MAMLD1: variants seen among roughly 807,000 people sequenced by gnomAD.
MAMLD1 encodes the protein mastermind-like domain-containing protein 1.
MAMLD1 carries 14 observed loss-of-function variants against 45.0 expected under a neutral mutation model. The observed-to-expected ratio is 0.31, with a 90% CI of 0.21 to 0.49. The LOEUF is 0.49. Among genes scored for constraint, MAMLD1 ranks in the 20% least tolerant of loss-of-function variants. The probability of loss-of-function intolerance (pLI) is 0.99; values close to 1 mark genes in which losing one functional copy is unlikely to be tolerated. For synonymous variants in MAMLD1, 254 were observed against 247.8 expected, an observed-to-expected ratio of 1.02 and a Z score of -0.24; for missense variants, 543 against 603.6, an observed-to-expected ratio of 0.90 and a Z score of 1.05.
rs1557406268 is a variant in MAMLD1, at chrX:150,470,098, G to A, written c.525G>A (p.Glu175=). The change falls in exon 4 of 8, where the codon GAG becomes GAA. Residue 175 remains glutamate, a synonymous_variant. Transcript: ENST00000370401. Reference sequence around the variant, plus strand: ...ACAGCGTGCCGGCTGTAGACCAGGAGCTTCAAGAGCTGCTAGAGGAGCTCA... The same window carrying A: ...ACAGCGTGCCGGCTGTAGACCAGGAACTTCAAGAGCTGCTAGAGGAGCTCA... ...KINSVPAVDQ[E]LQELLEELTK... The A allele has an allele frequency of 8.3e-7, 1 of 1,209,933 alleles. No individual in the cohort carries two copies. The highest frequency in any genetic ancestry group is 1.8e-5 in the African/African-American group (1 of 57,101).
chrX:150,496,751 C>G (rs782789843), intron 5 of MAMLD1, among the ~76,000 whole-genome samples: 56 of 112,070 alleles, frequency 5.0e-4, no homozygotes, highest in African/African-American at 1.7e-3. Flanking sequence ...ACAACAGGCA[C>G]AGCCTTGGTC....
At chrX:150,375,030 G>T (rs971932901) in intron 1 of MAMLD1, among the ~76,000 whole-genome samples, 7 of 110,531 alleles carry the variant, frequency 6.3e-5, no homozygotes, top group Admixed American at 3.8e-4. Flanking sequence ...GGGCCTGCTG[G>T]TGTGTGGGGG....
Position 150,513,508 on chromosome X carries a change from G to C in MAMLD1, c.*1549G>C, listed in dbSNP as rs1384948897. 1 of 272,537 alleles carries C rather than the reference G, an allele frequency of 3.7e-6. No individual in the cohort carries two copies. Among genetic ancestry groups the C allele is most frequent in the African/African-American group, 2.8e-5 (1 of 35,682 alleles). 22.5% of individuals were successfully genotyped at this position (272,537 alleles called of 1,213,427 possible). On this transcript the variant is annotated 3_prime_UTR_variant, in exon 8 of 8. Transcript: ENST00000370401. Reference sequence around the variant, plus strand: ...TGTGGATATGACCAAGAGTTGTTGTGCAAGTTGACAAATGCCAAATAGAAA... The same window carrying C: ...TGTGGATATGACCAAGAGTTGTTGTCCAAGTTGACAAATGCCAAATAGAAA...
In MAMLD1 at chrX:150,512,379, G is replaced by T; in HGVS notation, c.*420G>T. ...AGTCCCCACCAGCTCAGACGGCCTA[G>T]TGTGCCAAGAATGCCCACTGCGTTC... is the stretch of plus-strand genomic sequence containing the variant. On this transcript the variant is annotated 3_prime_UTR_variant, in exon 8 of 8. Transcript: ENST00000370401. 8.7e-7 allele frequency: 1 copy of T among 1,143,185 alleles called. No homozygotes were observed. The highest frequency in any genetic ancestry group is 1.2e-6 in the Non-Finnish European group (1 of 864,062). The allele number at this position is 1,143,185 out of a possible 1,213,427, so 94.2% of individuals were successfully genotyped here. A position where few individuals can be genotyped will look rare whatever the true frequency, so the allele number is the denominator to read the frequency against.
At chrX:150,420,628 A>C (rs369833999) in intron 1 of MAMLD1, among the ~76,000 whole-genome samples, 3 of 111,964 alleles carry the variant, frequency 2.7e-5, no homozygotes, top group African/African-American at 6.5e-5. Flanking sequence ...GTGTGGATGT[A>C]CTTTCTGTTT....
intron 1 of MAMLD1, among the ~76,000 whole-genome samples, chrX:150,372,214 G>C (rs1557401106): frequency 8.9e-6 from 1 of 112,400 alleles, no homozygotes; most frequent in Non-Finnish European, 1.9e-5. Context: ...TGAACTCGAA[G>C]TCTGGAAGTA....
chrX:150,366,115 G>A (rs1366311112), intron 1 of MAMLD1, among the ~76,000 whole-genome samples: 2 of 111,836 alleles, frequency 1.8e-5, no homozygotes, highest in Non-Finnish European at 3.8e-5. Flanking sequence ...CGGGGCCCAG[G>A]CTCAGGCTGG....
chrX:150,504,462 A>C, intron 6 of MAMLD1: 1 of 736,593 alleles, frequency 1.4e-6, no homozygotes, highest in Non-Finnish European at 1.6e-6. Flanking sequence ...GCCTGGAAGA[A>C]CAAGCAGTGC....
rs1212518326 is a variant in MAMLD1, at chrX:150,399,989, T to C, written c.-64+36459T>C. Reference sequence around the variant, plus strand: ...CTTATATTTAGGACCCAGCCTGCCCTGTTTTCTTGCAGGGAGGTTCGCTCA... The same window carrying C: ...CTTATATTTAGGACCCAGCCTGCCCCGTTTTCTTGCAGGGAGGTTCGCTCA... On this transcript the variant is annotated intron_variant, in intron 1 of 7. Transcript: ENST00000370401. Among the ~76,000 whole-genome samples the C allele has an allele frequency of 5.4e-5, 6 of 111,986 alleles. No homozygotes were observed. The East Asian group carries it at 1.4e-3, about 26-fold the overall frequency.
chrX:150,401,068 G>A (rs1557402412), intron 1 of MAMLD1, among the ~76,000 whole-genome samples: 1 of 111,330 alleles, frequency 9.0e-6, no homozygotes, highest in Admixed American at 9.5e-5. Context: ...GTAGAATTCA[G>A]CTGTGAATCC....
chrX:150,382,904 T>TA (rs1196058553), intron 1 of MAMLD1, among the ~76,000 whole-genome samples: 1 of 25,959 alleles, frequency 3.9e-5, no homozygotes, highest in African/African-American at 5.3e-4. Context: ...TTTTTTTATT[T>TA]TTTATTTTTT....
chrX:150,468,580 T>C (rs1052347710), intron 3 of MAMLD1, among the ~76,000 whole-genome samples: 2 of 111,519 alleles, frequency 1.8e-5, no homozygotes, highest in Non-Finnish European at 3.8e-5. Context: ...CCTGCTAACA[T>C]ACAGGTCATG....
intron 1 of MAMLD1, among the ~76,000 whole-genome samples, chrX:150,395,813 T>A (rs1471118991): frequency 1.8e-5 from 2 of 110,534 alleles, no homozygotes; most frequent in Non-Finnish European, 3.8e-5. Flanking sequence ...ATAGGTCATG[T>A]TCTCTTTTTT....
Position 150,469,749 on chromosome X carries a change from C to A in MAMLD1, c.176C>A (p.Thr59Asn), listed in dbSNP as rs1557406200. 8.3e-7 allele frequency: 1 copy of A among 1,206,283 alleles called. No homozygotes were observed. Among genetic ancestry groups the A allele is most frequent in the Non-Finnish European group, 1.1e-6 (1 of 892,580 alleles). ...KSSPGRKHQGTVKRRQEEDHF... is the reference protein window; with the variant it reads ...KSSPGRKHQGNVKRRQEEDHF... ...TCTCTTCTCTTCCATTCACAGGGAACTGTTAAGAGGAGACAAGAAGAAGAC... is the reference window on the plus strand; with the variant it reads ...TCTCTTCTCTTCCATTCACAGGGAAATGTTAAGAGGAGACAAGAAGAAGAC... Residue 59 changes from threonine to asparagine, a missense_variant, in exon 4 of 8, where the codon ACT becomes AAT. Thr to Asn is a moderately conservative substitution (Grantham distance 65). Coordinates refer to ENST00000370401, the MANE Select transcript of MAMLD1 (RefSeq NM_005491.5).
intron 1 of MAMLD1, among the ~76,000 whole-genome samples, chrX:150,398,329 G>GAAGAAGA (rs1569564610): frequency 9.5e-5 from 8 of 83,857 alleles, no homozygotes; most frequent in African/African-American, 3.6e-4. Flanking sequence ...AGAAGAAGAA[G>GAAGAAGA]AAGAAGAAGA....
intron 1 of MAMLD1, among the ~76,000 whole-genome samples, chrX:150,406,866 C>T (rs782231216): frequency 2.5e-4 from 28 of 111,467 alleles, no homozygotes; most frequent in African/African-American, 9.1e-4. Context: ...AGCCATTTCC[C>T]AGGAAGGACT....
intron 5 of MAMLD1, among the ~76,000 whole-genome samples, chrX:150,478,795 T>C (rs1257921056): frequency 8.9e-6 from 1 of 112,619 alleles, no homozygotes; most frequent in Non-Finnish European, 1.9e-5. Flanking sequence ...TATTTAAACA[T>C]GATGGTACAT....
intron 1 of MAMLD1, among the ~76,000 whole-genome samples, chrX:150,379,882 A>G (rs953727938): frequency 4.4e-5 from 5 of 112,428 alleles, no homozygotes; most frequent in Non-Finnish European, 9.4e-5. Context: ...TTACAGCTGC[A>G]TAGTACTGCA....
chrX:150,489,352 T>C (rs1057247535), intron 5 of MAMLD1, among the ~76,000 whole-genome samples: 3 of 110,426 alleles, frequency 2.7e-5, no homozygotes, highest in Non-Finnish European at 3.8e-5. Context: ...AGATGGTGCC[T>C]TCTTGCTGCA....
Sources: gnomAD v4.1 joint callset for allele counts (sites outside exome capture counted in the v4.1 genomes callset) on GRCh38, gnomAD v4.1.1 for gene constraint, MANE v1.5 for transcripts, NCBI Gene and HGNC (gene_info 2026-07-23, HGNC 2026-07-21) for gene names.